The following VWDE variants were observed in gnomAD, a reference collection of about 807,000 sequenced individuals.
VWDE encodes von Willebrand factor D and EGF domain-containing protein.
A neutral mutation model predicts 178.4 loss-of-function variants in VWDE; 207 were observed. That is an observed-to-expected ratio of 1.16 (90% CI 1.04 to 1.30). The LOEUF (loss-of-function observed/expected upper bound fraction) is 1.30, where lower values mean the gene tolerates loss of function less well. Ranked by LOEUF, VWDE falls within the 50% of genes most tolerant of loss-of-function variation. The pLI, the probability that VWDE is intolerant of heterozygous loss-of-function variation, is 0.00. For synonymous variants in VWDE, 738 were observed against 651.4 expected (o/e 1.13, Z -2.02); for missense variants, 2,287 against 1,901.3 (o/e 1.20, Z -3.77).
chr7:12,401,723 A>G (rs1784904141), intron 1 of VWDE, among the ~76,000 whole-genome samples: 1 of 152,170 alleles, frequency 6.6e-6, no homozygotes, highest in Non-Finnish European at 1.5e-5. Context: ...ACTTTGGAAA[A>G]CATCCTGGCT....
In VWDE at chr7:12,365,451, G is replaced by C. The variant is rs1039539067; in HGVS notation, c.2898+1906C>G. ...TAAAAATTACTTCGTAAAATGGGAA[G>C]TCATTAAGGATTTTGCATGACCTGA... is the stretch of plus-strand genomic sequence containing the variant. On this transcript the variant is annotated intron_variant, in intron 13 of 28. Coordinates refer to ENST00000275358, the MANE Select transcript of VWDE (RefSeq NM_001135924.3). Among the ~76,000 whole-genome samples the C allele has an allele frequency of 4.6e-5, 7 of 152,074 alleles. No homozygotes were observed. The East Asian group carries it at 1.4e-3, about 29-fold the overall frequency.
chr7:12,342,220 C>T, intron 22 of VWDE, 66 bp from the exon 23 acceptor site: 1 of 1,273,856 alleles, frequency 7.9e-7, no homozygotes, highest in Admixed American at 2.0e-5. Context: ...TGGTTATTAT[C>T]TAGCTAGCTC....
intron 6 of VWDE, among the ~76,000 whole-genome samples, chr7:12,378,920 T>A (rs6948654): frequency 0.14 from 21,540 of 152,158 alleles, 1,701 homozygotes; most frequent in African/African-American, 0.2. Context: ...TCACCGTGCT[T>A]GCCTGCCTGG....
Position 12,359,582 on chromosome 7 carries a change from T to C in VWDE, c.3270A>G (p.Leu1090=), listed in dbSNP as rs1163261626. The change falls in exon 16 of 29, where the codon TTA becomes TTG. Residue 1090 remains leucine (L), a synonymous_variant. Coordinates refer to ENST00000275358, the MANE Select transcript of VWDE (RefSeq NM_001135924.3). ...GATTAATAAAGAGTAACTTACTTTC[T>C]AAAAATGACCAAGTAAATCTTGAAA... ...PKISRFTWSF[L]ENNQPPVIQA... is the part of the protein sequence containing the mutation. The C allele has an allele frequency of 1.3e-6, 2 of 1,542,652 alleles. No individual in the cohort carries two copies. Among genetic ancestry groups the C allele is most frequent in the Non-Finnish European group, 1.8e-6 (2 of 1,141,296 alleles).
intron 1 of VWDE, among the ~76,000 whole-genome samples, chr7:12,402,392 C>T (rs1436884107): frequency 6.6e-6 from 1 of 152,044 alleles, no homozygotes; most frequent in Non-Finnish European, 1.5e-5. Flanking sequence ...TTCCATTTAC[C>T]TCGTCTTCTA....
intron 3 of VWDE, among the ~76,000 whole-genome samples, chr7:12,385,072 T>A (rs555440637): frequency 1.3e-5 from 2 of 152,212 alleles, no homozygotes; most frequent in African/African-American, 4.8e-5. Flanking sequence ...ATATATAAAC[T>A]TTTTTAGAAT....
At chr7:12,364,804 A>G (rs1266676053) in intron 13 of VWDE, among the ~76,000 whole-genome samples, 2 of 152,134 alleles carry the variant, frequency 1.3e-5, no homozygotes, top group African/African-American at 4.8e-5. Context: ...TGCATAATCT[A>G]AAAGTGTCTC....
rs762177535 is a variant in VWDE, at chr7:12,370,859, C to T, written c.1593G>A (p.Trp531Ter). 3.9e-5 allele frequency: 59 copies of T among 1,512,346 alleles called. No homozygotes were observed. The East Asian group carries it at 1.4e-3, about 35-fold the overall frequency. The allele number at this position is 1,512,346 out of a possible 1,614,324, so 93.7% of individuals were successfully genotyped here. Reference sequence around the variant, plus strand: ...CACGGATAAATGCCCCAGAAGAAAACCAGATCTGAAAAACAGAAATAAATA... The same window carrying T: ...CACGGATAAATGCCCCAGAAGAAAATCAGATCTGAAAAACAGAAATAAATA... The part of the protein sequence containing the change: ...ESYLGRKVTI[W>*]FSSGAFIRAD... The change falls in exon 11 of 29, where the codon TGG (tryptophan) becomes TGA (stop). Residue 531 changes from tryptophan to a stop codon, truncating the protein, a stop_gained. Coordinates refer to ENST00000275358, the MANE Select transcript of VWDE (RefSeq NM_001135924.3). LOFTEE classifies it high-confidence loss of function.
intron 26 of VWDE, among the ~76,000 whole-genome samples, chr7:12,336,684 C>T (rs1444404949): frequency 6.6e-6 from 1 of 152,130 alleles, no homozygotes; most frequent in Non-Finnish European, 1.5e-5. Flanking sequence ...GCCAAGAAGT[C>T]AGTAATTTTT....
intron 17 of VWDE, 48 bp downstream of exon 17, chr7:12,357,217 T>A (rs547768130): frequency 6.7e-5 from 103 of 1,530,850 alleles, no homozygotes; most frequent in Non-Finnish European, 6.0e-5. Context: ...ATAAAGTTGT[T>A]AAAATTGCAA....
At chr7:12,402,166 C>A (rs188204707) in intron 1 of VWDE, among the ~76,000 whole-genome samples, 61 of 152,298 alleles carry the variant, frequency 4.0e-4, no homozygotes, top group Admixed American at 7.2e-4. Flanking sequence ...AGCCGGCATG[C>A]GGCATGATAG....
intron 1 of VWDE, among the ~76,000 whole-genome samples, chr7:12,401,729 T>C (rs1375073426): frequency 6.6e-6 from 1 of 152,144 alleles, no homozygotes; most frequent in Non-Finnish European, 1.5e-5. Flanking sequence ...GAAAACATCC[T>C]GGCTGTTCCT....
At position 12,375,126 on chromosome 7, in the gene VWDE, A is replaced by G. The variant is rs1783451701; in HGVS notation, c.1126T>C (p.Tyr376His). Residue 376 changes from tyrosine (Y) to histidine (H), a missense_variant, in exon 8 of 29, where the codon TAC becomes CAC. Transcript: ENST00000275358. ...GAAAAATCTGTGACAGCAGTGTAGT[A>G]CACAAAAGTGTGGCTACAGGTTCCA... ...ANGTCSHTFV[Y>H]YTAVTDFSRD... The G allele has an allele frequency of 1.9e-6, 3 of 1,551,134 alleles. No homozygotes were observed. Among genetic ancestry groups the G allele is most frequent in the Non-Finnish European group, 2.6e-6 (3 of 1,146,658 alleles).
intron 5 of VWDE, among the ~76,000 whole-genome samples, chr7:12,380,248 A>G (rs1265335164): frequency 6.6e-6 from 1 of 151,390 alleles, no homozygotes; most frequent in Admixed American, 6.6e-5. Context: ...TATATAAAAA[A>G]GGATTAATAA....
intron 22 of VWDE, 114 bp downstream of exon 22, chr7:12,342,969 A>G (rs1229966616): frequency 1.4e-6 from 1 of 699,348 alleles, no homozygotes. Context: ...TACAAGAACT[A>G]TCACAATGTG....
intron 28 of VWDE, among the ~76,000 whole-genome samples, chr7:12,332,397 T>C (rs3815526): frequency 0.65 from 98,433 of 151,494 alleles, 32,911 homozygotes; most frequent in African/African-American, 0.83. Flanking sequence ...GGGATAAAGA[T>C]GATTTGCTAT....
rs1686553447 is a variant in VWDE, at chr7:12,342,141, C to T, written c.4188G>A (p.Arg1396=). 2 of 1,551,330 alleles carry T rather than the reference C, an allele frequency of 1.3e-6. No individual in the cohort carries two copies. Among genetic ancestry groups the T allele is most frequent in the Non-Finnish European group, 1.7e-6 (2 of 1,146,760 alleles). The change falls in exon 23 of 29, where the codon AGG becomes AGA. Residue 1396 remains arginine (R), a synonymous_variant. Coordinates refer to ENST00000275358, the MANE Select transcript of VWDE (RefSeq NM_001135924.3). ...GPRCETMVCN[R]HCENGGQCLT... ...GACACTGGCCTCCATTTTCACAGTG[C>T]CTGTTACAAACCACTGAGATCATAG...
At position 12,369,711 on chromosome 7, in the gene VWDE, C is replaced by G; in HGVS notation, c.2595G>C (p.Arg865Ser). 1 of 1,551,636 alleles carries G rather than the reference C, an allele frequency of 6.4e-7. No individual in the cohort carries two copies. The highest frequency in any genetic ancestry group is 8.7e-7 in the Non-Finnish European group (1 of 1,146,906). Reference sequence around the variant, plus strand: ...TGTTATATTTCCCCTCCTCCACAATCCTCTTTTCACATTCATTTTCTAAAA... The same window carrying G: ...TGTTATATTTCCCCTCCTCCACAATGCTCTTTTCACATTCATTTTCTAAAA... ...VALLENECEK[R>S]IVEEGKYNTE... Residue 865 changes from arginine to serine, a missense_variant, in exon 12 of 29, where the codon AGG becomes AGC. Physicochemically the swap from Arg to Ser is moderately radical, Grantham distance 110. Transcript: ENST00000275358.
Position 12,331,111 on chromosome 7 carries a change from T to C in VWDE, c.*72A>G. On this transcript the variant is annotated 3_prime_UTR_variant, in exon 29 of 29. Transcript: ENST00000275358. ...TGATGTTCAAATAAACTCCAAGTTA[T>C]CTCCAACTTTTTCTGAACAAAATAT... The C allele has an allele frequency of 7.7e-7, 1 of 1,297,346 alleles. No individual in the cohort carries two copies. Among genetic ancestry groups the C allele is most frequent in the Non-Finnish European group, 1.1e-6 (1 of 940,530 alleles). 80.4% of individuals were successfully genotyped at this position (1,297,346 alleles called of 1,614,324 possible).
Sources: allele counts gnomAD v4.1 joint callset (sites outside exome capture counted in the v4.1 genomes callset), GRCh38; gene constraint gnomAD v4.1.1; transcripts MANE v1.5; gene names NCBI Gene and HGNC (gene_info 2026-07-23, HGNC 2026-07-21).